EWSR1: variants seen among roughly 807,000 people sequenced by gnomAD.
The protein encoded by EWSR1 is EWS RNA binding protein 1.
Under a neutral mutation model 92.1 loss-of-function variants are expected in EWSR1, and 14 were observed. The ratio of observed to expected loss-of-function variants is 0.15; its 90% CI spans 0.10 to 0.24. The LOEUF (loss-of-function observed/expected upper bound fraction) is 0.24. Among genes scored for constraint, EWSR1 ranks in the 10% least tolerant of loss-of-function variants. The pLI is 1.00. For synonymous variants in EWSR1, 303 were observed against 292.9 expected (o/e 1.03, Z -0.35); for missense variants, 637 against 870.9 (o/e 0.73, Z 3.38).
Position 29,297,913 on chromosome 22 carries a change from C to G in EWSR1, c.1381C>G (p.Arg461Gly). 1 of 1,613,998 alleles carries G rather than the reference C, an allele frequency of 6.2e-7. No homozygotes were observed. The highest frequency in any genetic ancestry group is 8.5e-7 in the Non-Finnish European group (1 of 1,179,984). ...CAGTATGCGGGGTGGTCTGCCACCCCGTGAGGGCAGAGGCATGCCACCACC... is the reference window on the plus strand; with the variant it reads ...CAGTATGCGGGGTGGTCTGCCACCCGGTGAGGGCAGAGGCATGCCACCACC... ...MNSMRGGLPP[R>G]EGRGMPPPLR... Residue 461 changes from arginine to glycine, a missense_variant, in exon 13 of 17, where the codon CGT (arginine) becomes GGT (glycine). Physicochemically the swap from Arg to Gly is moderately radical, Grantham distance 125. Around this residue, in one of 5 missense-constraint regions of EWSR1, gnomAD observed 363 missense variants for 447.8 expected, o/e 0.81. Transcript: ENST00000397938.
rs768560854 is a variant in EWSR1, at chr22:29,296,220, T to G, written c.1165-19T>G. ...TTAGTATATTCTAGTCATGCCTAAC[T>G]ATGCTATTCTTTGTCTAGATGAACA... On this transcript the variant is annotated intron_variant, in intron 11 of 16. Coordinates refer to ENST00000397938, the MANE Select transcript of EWSR1 (RefSeq NM_005243.4). 5.0e-6 allele frequency: 8 copies of G among 1,610,536 alleles called. No individual in the cohort carries two copies. In the South Asian group the frequency reaches 8.9e-5, roughly 18 times the overall value.
chr22:29,280,788 C>G (rs1296222150), intron 5 of EWSR1, among the ~76,000 whole-genome samples: 1 of 149,382 alleles, frequency 6.7e-6, no homozygotes, highest in African/African-American at 2.5e-5. Context: ...ATTCTCCTGC[C>G]TCAGCCTCCT....
intron 11 of EWSR1, chr22:29,295,651 C>T (rs1211479869): frequency 1.8e-5 from 4 of 223,178 alleles, no homozygotes; most frequent in Non-Finnish European, 3.6e-5. Context: ...CAATTACAGA[C>T]TAAACTGATC....
intron 11 of EWSR1, among the ~76,000 whole-genome samples, chr22:29,293,848 A>G (rs140064): frequency 0.84 from 127,425 of 152,146 alleles, 53,596 homozygotes; most frequent in East Asian, 0.96. Context: ...GATTGCAGAC[A>G]TGAGCCACTG....
Position 29,268,309 on chromosome 22 carries a change from T to A in EWSR1, c.-28T>A. ...AGGGAAAGCGAGAGGGAGACGGACG[T>A]TGAGAGAACGAGGAGGAAGGAGAGA... On this transcript the variant is annotated 5_prime_UTR_variant, in exon 1 of 17. The change creates a new upstream start codon in the 5' untranslated region. Coordinates refer to ENST00000397938, the MANE Select transcript of EWSR1 (RefSeq NM_005243.4). 1 of 1,613,164 alleles carries A rather than the reference T, an allele frequency of 6.2e-7. No individual in the cohort carries two copies. The highest frequency in any genetic ancestry group is 8.5e-7 in the Non-Finnish European group (1 of 1,179,166).
intron 11 of EWSR1, among the ~76,000 whole-genome samples, chr22:29,294,345 G>A (rs1466608647): frequency 2.0e-5 from 3 of 151,878 alleles, no homozygotes; most frequent in African/African-American, 4.8e-5. Context: ...GGTAGCTCAC[G>A]CCTGTAATCC....
intron 13 of EWSR1, 54 bp downstream of exon 13, chr22:29,298,003 C>T: frequency 6.5e-7 from 1 of 1,545,058 alleles, no homozygotes; most frequent in Non-Finnish European, 8.7e-7. Context: ...ACACTTCATA[C>T]CCTTGAGAAA....
chr22:29,281,575 G>T (rs2059604791), intron 5 of EWSR1, among the ~76,000 whole-genome samples: 1 of 152,098 alleles, frequency 6.6e-6, no homozygotes, highest in South Asian at 2.1e-4. Context: ...AAAGTGCTGG[G>T]ATTTTTTTTG....
rs1036073883 is a variant in EWSR1, at chr22:29,268,271, G to A, written c.-66G>A. The A allele has an allele frequency of 2.5e-6, 4 of 1,593,844 alleles. No individual in the cohort carries two copies. The highest frequency in any genetic ancestry group is 2.6e-6 in the Non-Finnish European group (3 of 1,161,752). On this transcript the variant is annotated 5_prime_UTR_variant, in exon 1 of 17. The change creates a new upstream start codon in the 5' untranslated region. Transcript: ENST00000397938. ...GGGTTGCGAGATTTGCGCCTGCGCA[G>A]TGCGGCGCCTAGAGGGAAAGCGAGA...
intron 8 of EWSR1, 197 bp downstream of exon 8, chr22:29,288,983 C>A: frequency 1.8e-6 from 1 of 548,452 alleles, no homozygotes; most frequent in Non-Finnish European, 3.1e-6. Flanking sequence ...TCTTTCCCTG[C>A]CAGTATACTT....
intron 1 of EWSR1, among the ~76,000 whole-genome samples, chr22:29,270,082 C>A (rs2058544784): frequency 6.6e-6 from 1 of 152,170 alleles, no homozygotes; most frequent in African/African-American, 2.4e-5. Flanking sequence ...TCTGACCTTC[C>A]AGCATAAGCA....
In EWSR1 at chr22:29,300,355, TCTTC is replaced by T. The variant is rs994773683; in HGVS notation, c.*199_*202del. The T allele has an allele frequency of 2.2e-5, 12 of 546,166 alleles. No individual in the cohort carries two copies. The highest frequency in any genetic ancestry group is 5.9e-5 in the African/African-American group (3 of 50,904). The allele number at this position is 546,166 out of a possible 1,614,324, so 33.8% of individuals were successfully genotyped here. A position where few individuals can be genotyped will look rare whatever the true frequency, so the allele number is the denominator to read the frequency against. On this transcript the variant is annotated 3_prime_UTR_variant, in exon 17 of 17. Coordinates refer to ENST00000397938, the MANE Select transcript of EWSR1 (RefSeq NM_005243.4). ...AATGGTAGTGTGCGGAGTTTTTTTT[TCTTC>T]CTTCTTTTAAAAATGGTTGTTTAAG...
rs377068270 is a variant in EWSR1, at chr22:29,268,319, G to C, written c.-18G>C. 8 of 1,613,760 alleles carry C rather than the reference G, an allele frequency of 5.0e-6. No individual in the cohort carries two copies. Among genetic ancestry groups the C allele is most frequent in the African/African-American group, 4.0e-5 (3 of 74,956 alleles). On this transcript the variant is annotated 5_prime_UTR_variant, in exon 1 of 17. Coordinates refer to ENST00000397938, the MANE Select transcript of EWSR1 (RefSeq NM_005243.4). ...AGAGGGAGACGGACGTTGAGAGAAC[G>C]AGGAGGAAGGAGAGAAAATGGCGTC... is the stretch of plus-strand genomic sequence containing the variant.
intron 6 of EWSR1, 27 bp from the exon 7 acceptor site, chr22:29,286,896 T>C: frequency 6.3e-7 from 1 of 1,585,784 alleles, no homozygotes; most frequent in South Asian, 1.1e-5. Flanking sequence ...AAAAAGCTTT[T>C]TTTTTTTTCT....
chr22:29,269,118 C>T (rs1476857334), intron 1 of EWSR1: 1 of 152,238 alleles, frequency 6.6e-6, no homozygotes, highest in Non-Finnish European at 1.5e-5. Context: ...CGCCGAGGGA[C>T]ATCCGTTGTA....
chr22:29,289,445 T>G lies in EWSR1; in HGVS notation c.974+659T>G, dbSNP rs1602447541. On this transcript the variant is annotated intron_variant, in intron 8 of 16. Coordinates refer to ENST00000397938, the MANE Select transcript of EWSR1 (RefSeq NM_005243.4). ...TTTTGATTGATGGCACAATCTGGTT[T>G]AGAAAACTTTGTTTAGATCAATGAC... 1.3e-5 allele frequency: 3 copies of G among 232,146 alleles called. No individual in the cohort carries two copies. In the East Asian group the frequency reaches 1.8e-4, roughly 14 times the overall value. 14.4% of individuals were successfully genotyped at this position (232,146 alleles called of 1,614,324 possible). A position where few individuals can be genotyped will look rare whatever the true frequency, so the allele number is the denominator to read the frequency against.
At position 29,287,054 on chromosome 22, in the gene EWSR1, C is replaced by G; in HGVS notation, c.713C>G (p.Thr238Ser). ...AGCAGCTATGGGCAGCAGCCTCCCA[C>G]TAGTTACCCACCCCAAACTGGATCC... The part of the protein sequence containing the change: ...QQSSYGQQPP[T>S]SYPPQTGSYS... Residue 238 changes from threonine to serine, a missense_variant, in exon 7 of 17, where the codon ACT (threonine) becomes AGT (serine). Thr to Ser is a moderately conservative substitution (Grantham distance 58). This residue lies in a region of EWSR1 where 116 missense variants were observed against 167.8 expected (regional missense o/e 0.69). Transcript: ENST00000397938. 6.2e-7 allele frequency: 1 copy of G among 1,614,026 alleles called. No individual in the cohort carries two copies. Among genetic ancestry groups the G allele is most frequent in the Non-Finnish European group, 8.5e-7 (1 of 1,179,912 alleles).
rs1011054137 is a variant in EWSR1, at chr22:29,299,603, T to G, written c.1683T>G (p.Gly561=). Residue 561 remains glycine (G), a synonymous_variant, in exon 16 of 17, where the codon GGT becomes GGG. Coordinates refer to ENST00000397938, the MANE Select transcript of EWSR1 (RefSeq NM_005243.4). ...GCCCTGCTATTCTCACCTTAGGTGG[T>G]GATCGTGGCAGAGGTGGCCCTGGTG... ...FLPPPFPPPG[G]DRGRGGPGGM... 4 of 1,596,820 alleles carry G rather than the reference T, an allele frequency of 2.5e-6. No individual in the cohort carries two copies. Among genetic ancestry groups the G allele is most frequent in the South Asian group, 1.1e-5 (1 of 88,880 alleles).
At chr22:29,299,482 G>C (rs2061166874) in intron 15 of EWSR1, 117 bp from the exon 16 acceptor site, 1 of 1,489,576 alleles carries the variant, frequency 6.7e-7, no homozygotes, top group Admixed American at 2.5e-5. Flanking sequence ...TGCCGAGATT[G>C]AGTGAAGTGT....
Sources: allele counts gnomAD v4.1 joint callset (sites outside exome capture counted in the v4.1 genomes callset), GRCh38; gene constraint gnomAD v4.1.1; regional missense constraint gnomAD v4.1.1; transcripts MANE v1.5; gene names NCBI Gene and HGNC (gene_info 2026-07-23, HGNC 2026-07-21).